DAB1: variants seen among roughly 807,000 people sequenced by gnomAD.
DAB1 encodes DAB adaptor protein 1, also known as disabled homolog 1.
Under a neutral mutation model 64.6 loss-of-function variants are expected in DAB1, and 15 were observed. That is an observed-to-expected ratio of 0.23 (90% confidence interval 0.16 to 0.36). The LOEUF (loss-of-function observed/expected upper bound fraction) is 0.36. Ranked by LOEUF, DAB1 falls within the 10% of genes least tolerant of loss-of-function variation. The probability of loss-of-function intolerance (pLI) is 1.00; values close to 1 mark genes in which losing one functional copy is unlikely to be tolerated. For missense variants in DAB1, 596 were observed against 706.7 expected (o/e 0.84, Z 1.78); for synonymous variants, 235 against 251.9 (o/e 0.93, Z 0.64).
chr1:57,639,236 T>C (rs1012801264), intron 7 of DAB1, among the ~76,000 whole-genome samples: 1 of 143,412 alleles, frequency 7.0e-6, no homozygotes, highest in African/African-American at 2.5e-5. Flanking sequence ...AAGTTCTTCA[T>C]AAAGAACTTT....
chr1:58,476,995 G>A (rs1645425211), intron 3 of DAB1, among the ~76,000 whole-genome samples: 1 of 152,194 alleles, frequency 6.6e-6, no homozygotes, highest in Non-Finnish European at 1.5e-5. Context: ...CGGTCTCCAG[G>A]TAAGTGGAGG....
chr1:57,805,134 G>C (rs779908121), intron 6 of DAB1, among the ~76,000 whole-genome samples: 2 of 152,144 alleles, frequency 1.3e-5, no homozygotes, highest in Admixed American at 1.3e-4. Context: ...CATCCCCACT[G>C]GTGCAGGATT....
intron 6 of DAB1, among the ~76,000 whole-genome samples, chr1:57,778,159 G>A (rs118184489): frequency 6.6e-6 from 1 of 152,048 alleles, no homozygotes; most frequent in East Asian, 1.9e-4. Context: ...TGCATTCATA[G>A]GTTATCATAT....
chr1:57,028,666 A>G (rs1380145116), intron 9 of DAB1, among the ~76,000 whole-genome samples: 1 of 152,184 alleles, frequency 6.6e-6, no homozygotes, highest in Non-Finnish European at 1.5e-5. Context: ...TCTCAGATAG[A>G]GATGAGGAAC....
intron 3 of DAB1, among the ~76,000 whole-genome samples, chr1:57,141,335 G>A (rs1658571062): frequency 6.6e-6 from 1 of 152,186 alleles, no homozygotes; most frequent in Admixed American, 6.5e-5. Context: ...GGCAGAGGCA[G>A]GAGATCAGTG....
At chr1:58,450,646 C>A (rs554040366) in intron 3 of DAB1, among the ~76,000 whole-genome samples, 9 of 152,064 alleles carry the variant, frequency 5.9e-5, no homozygotes, top group African/African-American at 2.2e-4. Context: ...CCCAGCTACT[C>A]GGGAGGTTGA....
intron 4 of DAB1, among the ~76,000 whole-genome samples, chr1:58,185,476 C>T (rs1487812851): frequency 6.6e-6 from 1 of 152,194 alleles, no homozygotes; most frequent in Non-Finnish European, 1.5e-5. Flanking sequence ...AGTTCAGGAA[C>T]CTGGAAGGCT....
chr1:57,467,234 T>C (rs1478451985), intron 7 of DAB1, among the ~76,000 whole-genome samples: 2 of 152,212 alleles, frequency 1.3e-5, no homozygotes, highest in Non-Finnish European at 2.9e-5. Flanking sequence ...CACCTTCAGA[T>C]AATCTGAATG....
chr1:57,039,216 G>C (rs551440934), intron 9 of DAB1, among the ~76,000 whole-genome samples: 61 of 152,292 alleles, frequency 4.0e-4, no homozygotes, highest in Non-Finnish European at 2.1e-4. Context: ...CTGCAAAAGA[G>C]GGATAACAAT....
chr1:57,525,872 A>G (rs1167356007), intron 7 of DAB1, among the ~76,000 whole-genome samples: 2 of 151,826 alleles, frequency 1.3e-5, no homozygotes, highest in African/African-American at 2.4e-5. Context: ...ATTAAAAGCT[A>G]TTTTATATAG....
intron 5 of DAB1, 139 bp downstream of exon 5, chr1:57,072,144 T>C (rs977875808): frequency 1.1e-6 from 1 of 908,688 alleles, no homozygotes. Context: ...CTTTTCTAGA[T>C]GGGAATGTGA....
At chr1:57,093,174 G>A (rs1180809675) in intron 4 of DAB1, among the ~76,000 whole-genome samples, 1 of 152,198 alleles carries the variant, frequency 6.6e-6, no homozygotes, top group Non-Finnish European at 1.5e-5. Context: ...CCTGGGTTCT[G>A]GTGGGGTTTC....
chr1:58,449,863 G>T (rs1345847310), intron 3 of DAB1, among the ~76,000 whole-genome samples: 2 of 152,256 alleles, frequency 1.3e-5, no homozygotes, highest in African/African-American at 2.4e-5. Flanking sequence ...TGTAGCCCAA[G>T]AATTTTTTGA....
Position 57,844,335 on chromosome 1 carries a change from G to A in DAB1, n.88-17880C>T, listed in dbSNP as rs138860187. 1.5e-3 allele frequency among the ~76,000 whole-genome samples: 228 copies of A among 152,294 alleles called. 5 individuals are homozygous for A. The South Asian group carries it at 0.039, about 26-fold the overall frequency. On this transcript the variant is annotated intron_variant and non_coding_transcript_variant, in intron 1 of 1. Transcript: ENST00000477280. ...ATCAGTATTTAGAATAAAGTATGAT[G>A]TATAGTAAACCTATATGCATGAATG...
chr1:58,446,062 ATGGCTTCCC>A (rs1645062583), intron 3 of DAB1, among the ~76,000 whole-genome samples: 1 of 152,202 alleles, frequency 6.6e-6, no homozygotes, highest in African/African-American at 2.4e-5. Flanking sequence ...GACAACCAGC[ATGGCTTCCC>A]TGGTTACCCC....
chr1:58,054,148 G>T (rs568629886), intron 5 of DAB1, among the ~76,000 whole-genome samples: 4 of 152,352 alleles, frequency 2.6e-5, no homozygotes, highest in African/African-American at 7.2e-5. Flanking sequence ...AGATAAAGAC[G>T]CTAAGTCTTA....
At chr1:58,500,448 C>T (rs1645888517) in intron 3 of DAB1, among the ~76,000 whole-genome samples, 1 of 152,054 alleles carries the variant, frequency 6.6e-6, no homozygotes. Flanking sequence ...TTACTTTGTC[C>T]AATTATAAAC....
intron 6 of DAB1, among the ~76,000 whole-genome samples, chr1:57,795,698 T>G (rs1226500931): frequency 6.0e-5 from 4 of 66,798 alleles, no homozygotes; most frequent in African/African-American, 2.8e-4. Context: ...GAGATATATA[T>G]ATATATATAT....
At chr1:58,457,289 G>C (rs1424600126) in intron 3 of DAB1, among the ~76,000 whole-genome samples, 2 of 152,102 alleles carry the variant, frequency 1.3e-5, no homozygotes, top group Non-Finnish European at 2.9e-5. Flanking sequence ...CCAAGAAGTA[G>C]CGAGGAAAAC....
Sources: allele counts gnomAD v4.1 joint callset (sites outside exome capture counted in the v4.1 genomes callset), GRCh38; gene constraint gnomAD v4.1.1; transcripts MANE v1.5; gene names NCBI Gene and HGNC (gene_info 2026-07-23, HGNC 2026-07-21).